Variants in CDC42 observed in about 807,000 individuals in gnomAD.
The protein encoded by CDC42 is cell division cycle 42.
CDC42 carries 1 observed loss-of-function variant against 20.8 expected under a neutral mutation model. That is an observed-to-expected ratio of 0.05 (90% CI 0.02 to 0.23). CDC42 has a LOEUF of 0.23. Ranked by LOEUF, CDC42 falls within the 10% of genes least tolerant of loss-of-function variation. CDC42 has a pLI of 1.00. For missense variants in CDC42, 49 were observed against 227.9 expected, an observed-to-expected ratio of 0.21 and a Z score of 5.05; for synonymous variants, 72 against 84.8, an observed-to-expected ratio of 0.85 and a Z score of 0.83.
At position 22,101,121 on chromosome 1, in the gene CDC42, T is replaced by TC. The variant is rs2124072746; in HGVS notation, c.*9606dup. 6.6e-6 allele frequency: 1 copy of TC among 152,328 alleles called. No individual in the cohort carries two copies. Among genetic ancestry groups the TC allele is most frequent in the South Asian group, 2.1e-4 (1 of 4,820 alleles). The allele number at this position is 152,328 out of a possible 1,614,324, so 9.4% of individuals were successfully genotyped here. A position where few individuals can be genotyped will look rare whatever the true frequency, so the allele number is the denominator to read the frequency against. ...ATTATCTCCTCTGCTGCTAGAAAAC[T>TC]CCGTGAACCCTGGTACATATAGCGT... is the stretch of plus-strand genomic sequence containing the variant. On this transcript the variant is annotated 3_prime_UTR_variant, in exon 6 of 6. Transcript: ENST00000656825.
Position 22,098,745 on chromosome 1 carries a change from A to C in CDC42, c.*7228A>C, listed in dbSNP as rs1440408575. On this transcript the variant is annotated 3_prime_UTR_variant, in exon 6 of 6. Coordinates refer to ENST00000656825, the MANE Select transcript of CDC42 (RefSeq NM_001791.4). ...GAATTTTAGAGTATTTCTGGGCTAT[A>C]GGTCATTACAGCTTTACTTATTTAT... 7.2e-5 allele frequency among the ~76,000 whole-genome samples: 11 copies of C among 152,092 alleles called. No homozygotes were observed. Among genetic ancestry groups the C allele is most frequent in the Admixed American group, 7.2e-4 (11 of 15,280 alleles).
chr1:22,066,125 T>C (rs1197901592), intron 1 of CDC42, among the ~76,000 whole-genome samples: 1 of 152,240 alleles, frequency 6.6e-6, no homozygotes, highest in Non-Finnish European at 1.5e-5. Context: ...TTTCTTGCCC[T>C]TAATATACTG....
rs10609742 is a variant in CDC42, at chr1:22,079,139, CTTTTTTTTTTT to C, written c.105+563_105+573del. Among the ~76,000 whole-genome samples the C allele has an allele frequency of 4.3e-3, 506 of 116,740 alleles. 1 individual carries two copies. Among genetic ancestry groups the C allele is most frequent in the African/African-American group, 0.017 (476 of 27,642 alleles). 76.6% of individuals were successfully genotyped at this position (116,740 alleles called of 152,430 possible). ...CCCACAACTGTTCTTTTCTTTTTTT[CTTTTTTTTTTT>C]TTTTTTGAGATGGAGTCTCTATCGT... On this transcript the variant is annotated intron_variant, in intron 2 of 5. Coordinates refer to ENST00000656825, the MANE Select transcript of CDC42 (RefSeq NM_001791.4).
At chr1:22,053,875 AGACAACACC>A (rs1300340435) in intron 1 of CDC42, among the ~76,000 whole-genome samples, 1 of 152,218 alleles carries the variant, frequency 6.6e-6, no homozygotes, top group Non-Finnish European at 1.5e-5. Flanking sequence ...ATAAAGTGTA[AGACAACACC>A]GTCCACGGCC....
chr1:22,054,891 G>GTGTATA (rs1351864605), intron 1 of CDC42, among the ~76,000 whole-genome samples: 3 of 71,890 alleles, frequency 4.2e-5, no homozygotes, highest in African/African-American at 1.7e-4. Flanking sequence ...TTGAATTTAT[G>GTGTATA]TATATATATA....
chr1:22,061,643 A>G (rs16826298), intron 1 of CDC42, among the ~76,000 whole-genome samples: 243 of 138,742 alleles, frequency 1.8e-3, no homozygotes, highest in African/African-American at 6.1e-3. Flanking sequence ...TCCCGGGTTC[A>G]AGCAATTCTC....
Position 22,086,434 on chromosome 1 carries a change from T to C in CDC42, c.179-5T>C, listed in dbSNP as rs749439872. 19 of 1,574,990 alleles carry C rather than the reference T, an allele frequency of 1.2e-5. No individual in the cohort carries two copies. In the African/African-American group the frequency reaches 2.4e-4, roughly 20 times the overall value. ...AATTCTCTCCAATATTTTTCTTTTT[T>C]CTAGGGCAAGAGGATTATGACAGAT... is the stretch of plus-strand genomic sequence containing the variant. On this transcript the variant is annotated splice_polypyrimidine_tract_variant and splice_region_variant and intron_variant, in intron 3 of 5. Coordinates refer to ENST00000656825, the MANE Select transcript of CDC42 (RefSeq NM_001791.4).
At chr1:22,068,786 C>T (rs1481815729) in intron 1 of CDC42, 1 of 152,268 alleles carries the variant, frequency 6.6e-6, no homozygotes, top group Non-Finnish European at 1.5e-5. Context: ...ACTTCATGTA[C>T]AGCAGGTTCT....
At chr1:22,084,475 A>G (rs1645640972) in intron 3 of CDC42, among the ~76,000 whole-genome samples, 1 of 151,400 alleles carries the variant, frequency 6.6e-6, no homozygotes, top group Non-Finnish European at 1.5e-5. Flanking sequence ...CTTTGGAGAA[A>G]GGTCTGTTTA....
chr1:22,086,662 T>C lies in CDC42; in HGVS notation c.289-7T>C, dbSNP rs778904684. On this transcript the variant is annotated splice_polypyrimidine_tract_variant and splice_region_variant and intron_variant, in intron 4 of 5. Coordinates refer to ENST00000656825, the MANE Select transcript of CDC42 (RefSeq NM_001791.4). ...ACAAAGGTGTATTTTAAAATACCTT[T>C]TTTTAGTGGGTGCCTGAGATAACTC... 5 of 1,613,688 alleles carry C rather than the reference T, an allele frequency of 3.1e-6. No homozygotes were observed. Among genetic ancestry groups the C allele is most frequent in the Non-Finnish European group, 4.2e-6 (5 of 1,179,680 alleles).
intron 1 of CDC42, chr1:22,074,217 C>CA (rs1645523874): frequency 6.6e-6 from 1 of 152,384 alleles, no homozygotes; most frequent in Admixed American, 6.5e-5. Context: ...GCTGGGACTA[C>CA]AGGTGCGTGC....
At position 22,094,294 on chromosome 1, in the gene CDC42, A is replaced by ATTTTTTTTTT. The variant is rs747002932; in HGVS notation, c.*2789_*2798dup. On this transcript the variant is annotated 3_prime_UTR_variant, in exon 6 of 6. Coordinates refer to ENST00000656825, the MANE Select transcript of CDC42 (RefSeq NM_001791.4). ...GTTTTACTGAACATCCTAGAAATAG[A>ATTTTTTTTTT]TTTTTTTTTTTTTTTTTTTTTGAGA... 0.19 allele frequency among the ~76,000 whole-genome samples: 7,128 copies of ATTTTTTTTTT among 37,976 alleles called. 2,702 individuals are homozygous for ATTTTTTTTTT. Among genetic ancestry groups the ATTTTTTTTTT allele is most frequent in the Non-Finnish European group, 0.2 (4,740 of 23,382 alleles). The allele number at this position is 37,976 out of a possible 152,430, so 24.9% of individuals were successfully genotyped here. A position where few individuals can be genotyped will look rare whatever the true frequency, so the allele number is the denominator to read the frequency against.
chr1:22,065,504 C>G (rs934520928), intron 1 of CDC42, among the ~76,000 whole-genome samples: 9 of 152,176 alleles, frequency 5.9e-5, no homozygotes, highest in African/African-American at 2.2e-4. Context: ...CTGTTCTGAC[C>G]TTTTTAGGGC....
At position 22,099,213 on chromosome 1, in the gene CDC42, A is replaced by T. The variant is rs946783765; in HGVS notation, c.*7696A>T. On this transcript the variant is annotated 3_prime_UTR_variant, in exon 6 of 6. Coordinates refer to ENST00000656825, the MANE Select transcript of CDC42 (RefSeq NM_001791.4). ...AAATAAATTGGTGCATTAAGGAAGGAATATTAATCACATCCAGGAGGGCTC... is the reference window on the plus strand; with the variant it reads ...AAATAAATTGGTGCATTAAGGAAGGTATATTAATCACATCCAGGAGGGCTC... Among the ~76,000 whole-genome samples, 6 of 152,242 alleles carry T rather than the reference A, an allele frequency of 3.9e-5. No individual in the cohort carries two copies. Among genetic ancestry groups the T allele is most frequent in the African/African-American group, 1.4e-4 (6 of 41,464 alleles).
intron 1 of CDC42, among the ~76,000 whole-genome samples, chr1:22,061,493 G>A (rs1202809684): frequency 6.8e-6 from 1 of 148,098 alleles, no homozygotes; most frequent in African/African-American, 2.5e-5. Flanking sequence ...AAGGGTTAGG[G>A]AAGTTAGACG....
At chr1:22,074,919 A>G (rs2152829918) in intron 1 of CDC42, among the ~76,000 whole-genome samples, 1 of 152,350 alleles carries the variant, frequency 6.6e-6, no homozygotes, top group South Asian at 2.1e-4. Context: ...TAAGGCAGGG[A>G]CAGGGAGAAG....
At chr1:22,079,154 T>C (rs1289354817) in intron 2 of CDC42, among the ~76,000 whole-genome samples, 66 of 147,558 alleles carry the variant, frequency 4.5e-4, no homozygotes, top group Non-Finnish European at 9.1e-5. Flanking sequence ...TTTTTTTTTT[T>C]TTGAGATGGA....
intron 3 of CDC42, among the ~76,000 whole-genome samples, chr1:22,083,301 T>C (rs1481869069): frequency 6.6e-6 from 1 of 152,034 alleles, no homozygotes; most frequent in Non-Finnish European, 1.5e-5. Flanking sequence ...TGATGCGTAG[T>C]GCAATAAAAA....
intron 5 of CDC42, 55 bp downstream of exon 5, chr1:22,086,921 A>C (rs1645666861): frequency 7.0e-7 from 1 of 1,422,924 alleles, no homozygotes; most frequent in Non-Finnish European, 9.9e-7. Flanking sequence ...TTATTAGAGC[A>C]TTAGGATACA....
Sources: gnomAD v4.1 joint callset for allele counts (sites outside exome capture counted in the v4.1 genomes callset) on GRCh38, gnomAD v4.1.1 for gene constraint, MANE v1.5 for transcripts, NCBI Gene and HGNC (gene_info 2026-07-23, HGNC 2026-07-21) for gene names.